The following MAST3 variants were observed in gnomAD, a reference collection of about 807,000 sequenced individuals.
MAST3 encodes microtubule associated serine/threonine kinase 3.
A neutral mutation model predicts 127.0 loss-of-function variants in MAST3; 43 were observed. The observed-to-expected ratio is 0.34, with a 90% CI of 0.27 to 0.44. The LOEUF (loss-of-function observed/expected upper bound fraction) is 0.44, where lower values mean the gene tolerates loss of function less well. Ranked by LOEUF, MAST3 falls within the 20% of genes least tolerant of loss-of-function variation. MAST3 has a pLI of 1.00. For synonymous variants in MAST3, 785 were observed against 809.2 expected, an observed-to-expected ratio of 0.97 and a Z score of 0.51; for missense variants, 1,390 against 1,919.1, an observed-to-expected ratio of 0.72 and a Z score of 5.15.
At chr19:18,142,160 C>A in intron 21 of MAST3, 145 bp downstream of exon 21, 1 of 871,718 alleles carries the variant, frequency 1.1e-6, no homozygotes, top group Non-Finnish European at 1.5e-6. Flanking sequence ...TCCCTGGCAA[C>A]CTTGCTCCCT....
At chr19:18,136,636 A>T (rs1423292804) in intron 18 of MAST3, among the ~76,000 whole-genome samples, 1 of 152,106 alleles carries the variant, frequency 6.6e-6, no homozygotes, top group Non-Finnish European at 1.5e-5. Context: ...CATGTTGCCC[A>T]GGCTGGTCTC....
intron 3 of MAST3, among the ~76,000 whole-genome samples, chr19:18,111,697 G>C (rs1451721240): frequency 1.3e-5 from 2 of 151,982 alleles, no homozygotes; most frequent in Non-Finnish European, 2.9e-5. Context: ...ACCACATCCA[G>C]CTAATTTTTG....
intron 2 of MAST3, among the ~76,000 whole-genome samples, chr19:18,108,879 C>G (rs1364161627): frequency 6.6e-6 from 1 of 152,042 alleles, no homozygotes; most frequent in Non-Finnish European, 1.5e-5. Context: ...TTTTTGAGCA[C>G]CTGCTGTACA....
chr19:18,104,578 C>G (rs2037919284), intron 1 of MAST3, among the ~76,000 whole-genome samples: 1 of 152,096 alleles, frequency 6.6e-6, no homozygotes, highest in South Asian at 2.1e-4. Context: ...ATGGCGAACA[C>G]CCAGATCACG....
chr19:18,119,214 CAAG>C (rs1367974619), intron 3 of MAST3, among the ~76,000 whole-genome samples: 1 of 152,180 alleles, frequency 6.6e-6, no homozygotes, highest in Admixed American at 6.5e-5. Context: ...GCCGTGTTTT[CAAG>C]AAGACCTCGC....
chr19:18,117,002 A>T (rs2039351415), intron 3 of MAST3, among the ~76,000 whole-genome samples: 1 of 149,550 alleles, frequency 6.7e-6, no homozygotes, highest in Non-Finnish European at 1.5e-5. Flanking sequence ...TGGCCCAGGA[A>T]GGGGCATCCC....
intron 9 of MAST3, 53 bp downstream of exon 9, chr19:18,124,201 G>A: frequency 6.3e-7 from 1 of 1,589,114 alleles, no homozygotes; most frequent in African/African-American, 1.3e-5. Flanking sequence ...CGTGGAGTGA[G>A]GGGGGTCCCC....
At chr19:18,102,995 C>T (rs897877685) in intron 1 of MAST3, among the ~76,000 whole-genome samples, 1 of 151,922 alleles carries the variant, frequency 6.6e-6, no homozygotes, top group Non-Finnish European at 1.5e-5. Context: ...CAAGCGCAGA[C>T]GGGTATACCA....
At chr19:18,122,400 G>T (rs1292688679) in intron 5 of MAST3, among the ~76,000 whole-genome samples, 2 of 151,594 alleles carry the variant, frequency 1.3e-5, no homozygotes, top group Non-Finnish European at 2.9e-5. Flanking sequence ...GTGGGGGGTG[G>T]TCAATGTGTG....
intron 20 of MAST3, among the ~76,000 whole-genome samples, chr19:18,140,732 T>C (rs1241405190): frequency 6.6e-6 from 1 of 152,150 alleles, no homozygotes; most frequent in Non-Finnish European, 1.5e-5. Context: ...TATCCACCCA[T>C]CTTTGATGCA....
intron 15 of MAST3, among the ~76,000 whole-genome samples, chr19:18,132,273 G>A (rs372419055): frequency 1.3e-5 from 2 of 152,162 alleles, no homozygotes; most frequent in East Asian, 3.8e-4. Context: ...CTTAATAGGC[G>A]TCTGCTGTAT....
intron 1 of MAST3, 74 bp from the exon 2 acceptor site, chr19:18,107,512 TG>T (rs2038169248): frequency 1.4e-6 from 2 of 1,400,462 alleles, no homozygotes; most frequent in Non-Finnish European, 2.0e-6. Context: ...TTGGGGATTG[TG>T]GGGGTGCATC....
At chr19:18,132,874 G>A (rs570268532) in intron 15 of MAST3, among the ~76,000 whole-genome samples, 3 of 152,156 alleles carry the variant, frequency 2.0e-5, no homozygotes, top group Non-Finnish European at 4.4e-5. Context: ...AGGCCAAGGC[G>A]GGCGGATCAC....
chr19:18,136,501 C>T (rs11671368), intron 18 of MAST3, among the ~76,000 whole-genome samples: 4 of 152,142 alleles, frequency 2.6e-5, no homozygotes, highest in Non-Finnish European at 4.4e-5. Flanking sequence ...CTGCAACCTC[C>T]GCCTCCCAGG....
In MAST3 at chr19:18,144,301, C is replaced by T. The variant is rs2042812546; in HGVS notation, c.2585-165C>T. Among the ~76,000 whole-genome samples, 1 of 152,118 alleles carries T rather than the reference C, an allele frequency of 6.6e-6. No homozygotes were observed. Among genetic ancestry groups the T allele is most frequent in the Non-Finnish European group, 1.5e-5 (1 of 68,012 alleles). ...GGAGGAGGGGACTTGAAGACTTTTG[C>T]ATAGAGAATAATTTGGGAAGGGAGT... On this transcript the variant is annotated intron_variant, in intron 22 of 27. Transcript: ENST00000687212. The surrounding 1 kb of genome is among the most constrained non-coding windows in gnomAD (Gnocchi z 4.0).
intron 18 of MAST3, among the ~76,000 whole-genome samples, chr19:18,136,982 C>T (rs547524926): frequency 3.9e-5 from 6 of 152,190 alleles, no homozygotes; most frequent in Non-Finnish European, 8.8e-5. Context: ...CCACCACACC[C>T]GGCTAATTTT....
At chr19:18,101,855 C>A (rs1186283347) in intron 1 of MAST3, among the ~76,000 whole-genome samples, 2 of 148,038 alleles carry the variant, frequency 1.4e-5, no homozygotes, top group Non-Finnish European at 3.0e-5. Context: ...TGGTGTTTCA[C>A]CATGTTGGCC....
chr19:18,132,104 G>A, intron 15 of MAST3, 57 bp downstream of exon 15: 1 of 1,599,398 alleles, frequency 6.3e-7, no homozygotes, highest in Non-Finnish European at 8.5e-7. Context: ...AGAGGATCAG[G>A]GGCGGGGCCA....
intron 18 of MAST3, among the ~76,000 whole-genome samples, chr19:18,136,781 C>A (rs758906961): frequency 6.6e-6 from 1 of 152,000 alleles, no homozygotes; most frequent in Admixed American, 6.6e-5. Flanking sequence ...TAAATGACAG[C>A]GGATTTTTGT....
Sources: gnomAD v4.1 joint callset for allele counts (sites outside exome capture counted in the v4.1 genomes callset) on GRCh38, gnomAD v4.1.1 for gene constraint, Gnocchi (gnomAD v3.1) non-coding constraint, MANE v1.5 for transcripts, NCBI Gene and HGNC (gene_info 2026-07-23, HGNC 2026-07-21) for gene names.